The following NRXN3 variants were observed in gnomAD, a reference collection of about 807,000 sequenced individuals.
The protein encoded by NRXN3 is neurexin III.
A neutral mutation model predicts 137.6 loss-of-function variants in NRXN3; 32 were observed. The ratio of observed to expected loss-of-function variants is 0.23; its 90% CI spans 0.18 to 0.31. The LOEUF (loss-of-function observed/expected upper bound fraction) is 0.31. NRXN3 is among the 10% of genes least tolerant of loss of function. The probability of loss-of-function intolerance (pLI) is 1.00; values close to 1 mark genes in which losing one functional copy is unlikely to be tolerated. For synonymous variants in NRXN3, 798 were observed against 784.5 expected, an observed-to-expected ratio of 1.02 and a Z score of -0.29; for missense variants, 1,574 against 2,062.5, an observed-to-expected ratio of 0.76 and a Z score of 4.59.
At chr14:78,337,628 G>C (rs1369737165) in intron 4 of NRXN3, among the ~76,000 whole-genome samples, 1 of 152,094 alleles carries the variant, frequency 6.6e-6, no homozygotes, top group African/African-American at 2.4e-5. Flanking sequence ...GGTTTCAAAG[G>C]CTGTCTCACC....
In NRXN3 at chr14:79,845,875, A is replaced by AGAGAGAGAGG. The variant is rs2099367671; in HGVS notation, c.4094-15458_4094-15457insGGAGAGAGAG. Among the ~76,000 whole-genome samples the AGAGAGAGAGG allele has an allele frequency of 1.4e-4, 6 of 43,832 alleles. 2 individuals are homozygous for AGAGAGAGAGG. The highest frequency in any genetic ancestry group is 4.3e-4 in the Admixed American group (2 of 4,704). The allele number at this position is 43,832 out of a possible 152,430, so 28.8% of individuals were successfully genotyped here. A position where few individuals can be genotyped will look rare whatever the true frequency, so the allele number is the denominator to read the frequency against. ...GGGAGACGGGGAGAGAGAGAGATGG[A>AGAGAGAGAGG]GAGAGAGAGAGATGGAGAGAAAGAC... On this transcript the variant is annotated intron_variant, in intron 20 of 20. Transcript: ENST00000335750.
intron 15 of NRXN3, among the ~76,000 whole-genome samples, chr14:79,300,805 G>A (rs530872694): frequency 5.5e-4 from 83 of 152,182 alleles, no homozygotes; most frequent in African/African-American, 7.7e-4. Context: ...AAAAGGGTGA[G>A]CGTGCAAGGA....
At chr14:79,693,174 T>TTTG (rs902807182) in intron 18 of NRXN3, among the ~76,000 whole-genome samples, 6 of 151,916 alleles carry the variant, frequency 3.9e-5, no homozygotes, top group African/African-American at 9.7e-5. Context: ...ATACGTATTC[T>TTTG]TTGTTGTTGT....
intron 8 of NRXN3, among the ~76,000 whole-genome samples, chr14:78,770,848 G>A (rs755463028): frequency 2.0e-5 from 3 of 151,914 alleles, no homozygotes; most frequent in Non-Finnish European, 4.4e-5. Context: ...AAATTTTGGG[G>A]TTGGGGGGGG....
chr14:79,144,231 C>A (rs1028720897), intron 15 of NRXN3, among the ~76,000 whole-genome samples: 5 of 152,164 alleles, frequency 3.3e-5, no homozygotes, highest in African/African-American at 1.2e-4. Flanking sequence ...TCAACACAGT[C>A]CCCACCATGC....
At chr14:79,216,247 C>A (rs1253349366) in intron 15 of NRXN3, among the ~76,000 whole-genome samples, 1 of 152,122 alleles carries the variant, frequency 6.6e-6, no homozygotes, top group Non-Finnish European at 1.5e-5. Flanking sequence ...GCTTTTCATG[C>A]ATGGTGGCTG....
intron 8 of NRXN3, among the ~76,000 whole-genome samples, chr14:78,729,140 T>C (rs998901761): frequency 1.3e-5 from 2 of 152,260 alleles, no homozygotes; most frequent in African/African-American, 4.8e-5. Context: ...TTCTCTCTTT[T>C]AATTTTTAGA....
chr14:79,295,307 C>G (rs1007642771), intron 15 of NRXN3, among the ~76,000 whole-genome samples: 6 of 152,086 alleles, frequency 3.9e-5, no homozygotes, highest in Non-Finnish European at 8.8e-5. Flanking sequence ...CAGGCTTCAA[C>G]TTCAATGTTA....
At chr14:78,874,073 G>A (rs974170224) in intron 10 of NRXN3, among the ~76,000 whole-genome samples, 4 of 151,248 alleles carry the variant, frequency 2.6e-5, no homozygotes, top group Non-Finnish European at 4.4e-5. Context: ...CCAGGTTCAA[G>A]TGGTTCTCCT....
intron 15 of NRXN3, among the ~76,000 whole-genome samples, chr14:79,059,683 T>A (rs866591642): frequency 2.0e-5 from 3 of 152,366 alleles, no homozygotes; most frequent in African/African-American, 4.8e-5. Flanking sequence ...TCAAGTCAGC[T>A]TTTTGGCTTT....
chr14:79,204,522 C>G (rs866106141), intron 15 of NRXN3, among the ~76,000 whole-genome samples: 5 of 152,058 alleles, frequency 3.3e-5, no homozygotes, highest in South Asian at 2.1e-4. Context: ...AAAGCAGCAT[C>G]AGAATCTTGG....
chr14:78,625,768 A>G (rs2097451886), intron 4 of NRXN3, among the ~76,000 whole-genome samples: 1 of 152,242 alleles, frequency 6.6e-6, no homozygotes, highest in Admixed American at 6.5e-5. Flanking sequence ...GGGGCTTCAG[A>G]GAAGGCATCA....
At chr14:79,449,588 C>CT (rs1469537021) in intron 15 of NRXN3, among the ~76,000 whole-genome samples, 3 of 152,164 alleles carry the variant, frequency 2.0e-5, no homozygotes, top group Non-Finnish European at 4.4e-5. Flanking sequence ...GAACAAGACA[C>CT]TTTTATATAT....
intron 10 of NRXN3, among the ~76,000 whole-genome samples, chr14:78,951,571 A>C (rs1364065919): frequency 6.6e-6 from 1 of 152,086 alleles, no homozygotes; most frequent in East Asian, 1.9e-4. Context: ...GCCTTATTTT[A>C]GATAGGGTTG....
In NRXN3 at chr14:78,671,095, TA is replaced by T. The variant is rs144596407; in HGVS notation, c.1221+19773del. Among the ~76,000 whole-genome samples the T allele has an allele frequency of 1.1e-3, 165 of 152,236 alleles. 1 individual carries two copies. In the East Asian group the frequency reaches 0.028, roughly 26 times the overall value. ...AGTAACTAATATTTAAAAGAAGGCT[TA>T]AAAGGGAAAATTAGTGAGGTAGGAG... On this transcript the variant is annotated intron_variant, in intron 6 of 20. Coordinates refer to ENST00000335750, the MANE Select transcript of NRXN3 (RefSeq NM_001330195.2).
intron 10 of NRXN3, among the ~76,000 whole-genome samples, chr14:78,845,320 TAG>T (rs1162411108): frequency 6.6e-6 from 1 of 152,116 alleles, no homozygotes; most frequent in Non-Finnish European, 1.5e-5. Flanking sequence ...CTCTCTGAGT[TAG>T]GAGACAAGTA....
At chr14:78,954,495 C>T (rs538670298) in intron 10 of NRXN3, among the ~76,000 whole-genome samples, 40 of 152,082 alleles carry the variant, frequency 2.6e-4, no homozygotes, top group African/African-American at 8.7e-4. Flanking sequence ...GATGGAGTCT[C>T]GCTCTGTCAT....
chr14:78,322,801 T>A (rs911353178), intron 4 of NRXN3, among the ~76,000 whole-genome samples: 1 of 152,004 alleles, frequency 6.6e-6, no homozygotes, highest in Non-Finnish European at 1.5e-5. Flanking sequence ...TTCTCCCATT[T>A]GTAGCCATAT....
At chr14:79,819,851 A>C (rs2099265854) in intron 20 of NRXN3, among the ~76,000 whole-genome samples, 2 of 152,038 alleles carry the variant, frequency 1.3e-5, no homozygotes, top group Admixed American at 6.5e-5. Flanking sequence ...GACATGAAAC[A>C]CAATAACAAA....
Sources: gnomAD v4.1 joint callset for allele counts (sites outside exome capture counted in the v4.1 genomes callset) on GRCh38, gnomAD v4.1.1 for gene constraint, MANE v1.5 for transcripts, NCBI Gene and HGNC (gene_info 2026-07-23, HGNC 2026-07-21) for gene names.